ZFHX3: variants seen among roughly 807,000 people sequenced by gnomAD.
The protein encoded by ZFHX3 is zinc finger homeobox 3.
In ZFHX3, 42 loss-of-function variants were observed where a neutral mutation model predicts 279.1. The observed-to-expected ratio is 0.15, with a 90% CI of 0.12 to 0.19. ZFHX3 has a LOEUF of 0.19. Ranked by LOEUF, ZFHX3 falls within the 10% of genes least tolerant of loss-of-function variation. The probability of loss-of-function intolerance (pLI) is 1.00; values close to 1 mark genes in which losing one functional copy is unlikely to be tolerated. For synonymous variants in ZFHX3, 2,293 were observed against 1,957.8 expected, an observed-to-expected ratio of 1.17 and a Z score of -4.52; for missense variants, 4,981 against 4,754.0, an observed-to-expected ratio of 1.05 and a Z score of -1.40.
At chr16:73,224,417 G>T (rs953748881) in intron 5 of ZFHX3, among the ~76,000 whole-genome samples, 1 of 152,150 alleles carries the variant, frequency 6.6e-6, no homozygotes, top group Non-Finnish European at 1.5e-5. Flanking sequence ...GTTCAAACCA[G>T]CTACCATATT....
chr16:73,055,690 GCGCGCGCGCA>G (rs1481814800), intron 1 of ZFHX3, among the ~76,000 whole-genome samples: 3 of 91,264 alleles, frequency 3.3e-5, no homozygotes, highest in African/African-American at 1.1e-4. Flanking sequence ...GCGCGCGCGC[GCGCGCGCGCA>G]CACACACACA....
chr16:73,802,722 A>G (rs1960177894), intron 1 of ZFHX3, among the ~76,000 whole-genome samples: 1 of 152,240 alleles, frequency 6.6e-6, no homozygotes, highest in Non-Finnish European at 1.5e-5. Context: ...GATGTTTTCT[A>G]AACAAGAACA....
intron 2 of ZFHX3, among the ~76,000 whole-genome samples, chr16:73,523,368 T>C (rs1171039099): frequency 6.6e-6 from 1 of 152,156 alleles, no homozygotes; most frequent in Non-Finnish European, 1.5e-5. Context: ...AGATGTGACC[T>C]CCCTGGGTTT....
intron 4 of ZFHX3, among the ~76,000 whole-genome samples, chr16:72,865,328 C>T (rs1162223265): frequency 6.6e-6 from 1 of 152,196 alleles, no homozygotes; most frequent in Non-Finnish European, 1.5e-5. Flanking sequence ...AGGTGCCATC[C>T]ACTAGCCCAG....
chr16:73,548,467 CTT>C (rs544506701), intron 2 of ZFHX3, among the ~76,000 whole-genome samples: 1 of 138,586 alleles, frequency 7.2e-6, no homozygotes. Context: ...GGTGTTTAGC[CTT>C]TTTTTTTTTT....
chr16:73,327,647 C>T (rs1271603949), intron 3 of ZFHX3, among the ~76,000 whole-genome samples: 1 of 152,170 alleles, frequency 6.6e-6, no homozygotes, highest in Admixed American at 6.5e-5. Flanking sequence ...CAAGATTCAG[C>T]AAGTATCTTG....
intron 1 of ZFHX3, among the ~76,000 whole-genome samples, chr16:72,974,045 A>G (rs1962231280): frequency 1.3e-5 from 2 of 152,234 alleles, no homozygotes; most frequent in Admixed American, 1.3e-4. Flanking sequence ...AGTCAGCAGA[A>G]CACTAATTGG....
intron 7 of ZFHX3, chr16:73,099,170 T>G (rs1567662489): frequency 6.6e-6 from 1 of 152,236 alleles, no homozygotes; most frequent in South Asian, 2.1e-4. Context: ...CTAAGTACAC[T>G]TCCTGAAATA....
intron 1 of ZFHX3, among the ~76,000 whole-genome samples, chr16:73,861,401 A>T (rs753256326): frequency 1.5e-4 from 23 of 152,300 alleles, no homozygotes; most frequent in Non-Finnish European, 2.6e-4. Context: ...AATACAACCA[A>T]AAAAGATGCC....
chr16:73,531,140 A>C (rs1264737775), intron 2 of ZFHX3, among the ~76,000 whole-genome samples: 1 of 152,182 alleles, frequency 6.6e-6, no homozygotes, highest in Non-Finnish European at 1.5e-5. Flanking sequence ...TTCCTAATAT[A>C]AATCTTTGTT....
At chr16:73,691,405 AAG>A (rs1280720252) in intron 1 of ZFHX3, among the ~76,000 whole-genome samples, 1 of 152,248 alleles carries the variant, frequency 6.6e-6, no homozygotes, top group African/African-American at 2.4e-5. Context: ...CTGTCCATGA[AAG>A]AGTAATATTA....
chr16:73,463,037 C>T (rs1288781518), intron 2 of ZFHX3, among the ~76,000 whole-genome samples: 1 of 152,142 alleles, frequency 6.6e-6, no homozygotes, highest in Non-Finnish European at 1.5e-5. Flanking sequence ...TTCTGATACT[C>T]CAACTCCCCT....
chr16:73,015,342 G>C (rs79354072), intron 1 of ZFHX3: 1 of 152,126 alleles, frequency 6.6e-6, no homozygotes, highest in Non-Finnish European at 1.5e-5. Flanking sequence ...CCACCACACC[G>C]GCCACGAGGG....
intron 1 of ZFHX3, among the ~76,000 whole-genome samples, chr16:73,693,539 A>C (rs1017525978): frequency 6.6e-6 from 1 of 151,868 alleles, no homozygotes; most frequent in African/African-American, 2.4e-5. Flanking sequence ...ATATAGACCA[A>C]TCTATGTCCT....
chr16:72,834,374 G>A (rs1419642612), intron 4 of ZFHX3, among the ~76,000 whole-genome samples: 4 of 152,212 alleles, frequency 2.6e-5, no homozygotes, highest in Non-Finnish European at 5.9e-5. Context: ...TCCTGACTAA[G>A]TGCAGAGCCC....
At chr16:73,435,271 C>T (rs555597533) in intron 3 of ZFHX3, among the ~76,000 whole-genome samples, 2 of 152,086 alleles carry the variant, frequency 1.3e-5, no homozygotes, top group Admixed American at 6.6e-5. Flanking sequence ...TGCAGTGATG[C>T]GATCTCGGCT....
At chr16:73,248,476 A>C (rs74396366) in intron 5 of ZFHX3, among the ~76,000 whole-genome samples, 27,415 of 151,054 alleles carry the variant, frequency 0.18, 4,021 homozygotes, top group East Asian at 0.46. Context: ...TATGGGTATA[A>C]TATGTATATG....
chr16:73,503,567 C>G (rs2019274629), intron 2 of ZFHX3, among the ~76,000 whole-genome samples: 1 of 152,224 alleles, frequency 6.6e-6, no homozygotes, highest in South Asian at 2.1e-4. Context: ...ACCTGGGTCC[C>G]ATGGCCTTCA....
chr16:72,942,762 G>A (rs1301439806), intron 3 of ZFHX3, among the ~76,000 whole-genome samples: 1 of 152,128 alleles, frequency 6.6e-6, no homozygotes, highest in Non-Finnish European at 1.5e-5. Context: ...GATAAATGGT[G>A]AGATCCACAG....
Sources: allele counts gnomAD v4.1 joint callset (sites outside exome capture counted in the v4.1 genomes callset), GRCh38; gene constraint gnomAD v4.1.1; transcripts MANE v1.5; gene names NCBI Gene and HGNC (gene_info 2026-07-23, HGNC 2026-07-21).